Variants in PPP2R3A observed in about 807,000 individuals in gnomAD.
PPP2R3A encodes protein phosphatase 2 regulatory subunit B''alpha, also known as serine/threonine-protein phosphatase 2A regulatory subunit B'' subunit alpha.
A neutral mutation model predicts 106.9 loss-of-function variants in PPP2R3A; 80 were observed. The observed-to-expected ratio is 0.75, with a 90% CI of 0.62 to 0.90. PPP2R3A has a LOEUF of 0.90. Ranked by LOEUF, PPP2R3A falls within the 40% of genes least tolerant of loss-of-function variation. PPP2R3A has a pLI of 0.00. For synonymous variants in PPP2R3A, 483 were observed against 468.3 expected (o/e 1.03, Z -0.41); for missense variants, 1,386 against 1,350.4 (o/e 1.03, Z -0.41).
At chr3:136,100,445 C>T (rs559573191) in intron 10 of PPP2R3A, among the ~76,000 whole-genome samples, 52 of 151,474 alleles carry the variant, frequency 3.4e-4, no homozygotes, top group Admixed American at 9.2e-4. Context: ...GAGGCCTAGG[C>T]GGGCAGATCA....
intron 2 of PPP2R3A, among the ~76,000 whole-genome samples, chr3:136,021,494 TGAAAA>T (rs1159456367): frequency 2.0e-5 from 3 of 152,070 alleles, no homozygotes; most frequent in Non-Finnish European, 4.4e-5. Context: ...CAGAATGTCT[TGAAAA>T]GAAATCAGTG....
At chr3:136,138,794 C>T (rs1041980911) in intron 13 of PPP2R3A, among the ~76,000 whole-genome samples, 4 of 141,556 alleles carry the variant, frequency 2.8e-5, no homozygotes, top group African/African-American at 1.1e-4. Flanking sequence ...TCACAGCAAC[C>T]TCCACCTCCC....
intron 8 of PPP2R3A, among the ~76,000 whole-genome samples, chr3:136,087,137 G>A (rs1936959106): frequency 6.6e-6 from 1 of 152,172 alleles, no homozygotes; most frequent in Non-Finnish European, 1.5e-5. Context: ...CCGGGAGGCG[G>A]AGGTTGCAGT....
intron 7 of PPP2R3A, among the ~76,000 whole-genome samples, chr3:136,080,871 G>GTTAAA (rs1252336813): frequency 6.6e-6 from 1 of 152,076 alleles, no homozygotes; most frequent in Non-Finnish European, 1.5e-5. Context: ...AATAATTTAT[G>GTTAAA]TTGTTGTTAG....
chr3:136,070,449 AAT>A, intron 5 of PPP2R3A, 27 bp from the exon 6 acceptor site: 1 of 1,561,052 alleles, frequency 6.4e-7, no homozygotes, highest in South Asian at 1.2e-5. Context: ...TATGTTTGTT[AAT>A]TTAGTTTTGG....
At chr3:136,083,015 A>G (rs1936828424) in intron 8 of PPP2R3A, among the ~76,000 whole-genome samples, 1 of 152,142 alleles carries the variant, frequency 6.6e-6, no homozygotes, top group African/African-American at 2.4e-5. Flanking sequence ...CTACTGATTT[A>G]ATATCCTTGG....
At position 136,001,190 on chromosome 3, in the gene PPP2R3A, G is replaced by A. The variant is rs1933609301; in HGVS notation, c.-309G>A. 1.4e-5 allele frequency: 6 copies of A among 438,664 alleles called. No individual in the cohort carries two copies. The Admixed American group carries it at 2.0e-4, about 14-fold the overall frequency. 27.2% of individuals were successfully genotyped at this position (438,664 alleles called of 1,614,324 possible). On this transcript the variant is annotated 5_prime_UTR_variant, in exon 2 of 14. Coordinates refer to ENST00000264977, the MANE Select transcript of PPP2R3A (RefSeq NM_002718.5). ...GAGCAAATTTCCATGTTATAGAACTGTTGAAGAACTAAAAGAGGATATTCT... is the reference window on the plus strand; with the variant it reads ...GAGCAAATTTCCATGTTATAGAACTATTGAAGAACTAAAAGAGGATATTCT...
chr3:136,132,038 T>G (rs1938447588), intron 13 of PPP2R3A, among the ~76,000 whole-genome samples: 1 of 151,498 alleles, frequency 6.6e-6, no homozygotes, highest in African/African-American at 2.4e-5. Flanking sequence ...GGGGGAGGGA[T>G]AGCATTGGGA....
At position 136,002,867 on chromosome 3, in the gene PPP2R3A, C is replaced by T; in HGVS notation, c.1369C>T (p.His457Tyr). ...AGCAGAATTTCCAGAACATGCTACT[C>T]ATCTTAAAAAATGCCCCACCCCAAT... is the stretch of plus-strand genomic sequence containing the variant. ...HRAEFPEHATHLKKCPTPMQN... is the reference protein window; with the variant it reads ...HRAEFPEHATYLKKCPTPMQN... Residue 457 changes from histidine to tyrosine, a missense_variant, in exon 2 of 14, where the codon CAT (histidine) becomes TAT (tyrosine). His to Tyr is a moderately conservative substitution (Grantham distance 83). Transcript: ENST00000264977. The T allele has an allele frequency of 1.2e-6, 2 of 1,613,694 alleles. No homozygotes were observed. Among genetic ancestry groups the T allele is most frequent in the Non-Finnish European group, 1.7e-6 (2 of 1,179,884 alleles).
intron 1 of PPP2R3A, among the ~76,000 whole-genome samples, chr3:135,996,215 T>A (rs910986757): frequency 6.6e-6 from 1 of 152,232 alleles, no homozygotes; most frequent in Non-Finnish European, 1.5e-5. Context: ...ATAATTAATG[T>A]GATTCTGGCC....
At chr3:136,102,254 C>A in intron 11 of PPP2R3A, 72 bp downstream of exon 11, 2 of 1,492,140 alleles carry the variant, frequency 1.3e-6, no homozygotes, top group South Asian at 1.3e-5. Flanking sequence ...CCTAGATTGT[C>A]CTAAATTATT....
rs1311575346 is a variant in PPP2R3A, at chr3:136,002,161, T to C, written c.663T>C (p.Asp221=). 2 of 1,613,380 alleles carry C rather than the reference T, an allele frequency of 1.2e-6. No individual in the cohort carries two copies. The highest frequency in any genetic ancestry group is 1.7e-6 in the Non-Finnish European group (2 of 1,179,882). ...AGATTTTGGAAAAACATAAAATAGA[T>C]AATTTTTCTTCTGGGACAGACATAA... ...VTQILEKHKI[D]NFSSGTDIKM... The change falls in exon 2 of 14, where the codon GAT becomes GAC. Residue 221 remains aspartate (D), a synonymous_variant. Coordinates refer to ENST00000264977, the MANE Select transcript of PPP2R3A (RefSeq NM_002718.5).
Position 136,106,254 on chromosome 3 carries a change from C to A in PPP2R3A, c.3261C>A (p.Asp1087Glu). ...ENDGPEPSDW[D>E]RFAAEEYETL... is the part of the protein sequence containing the mutation. ...ATGGGCCTGAGCCCTCAGACTGGGA[C>A]CGGTTTGCCGCTGAGGAGTATGAGA... The change falls in exon 13 of 14, where the codon GAC (aspartate) becomes GAA (glutamate). Residue 1087 changes from aspartate (D) to glutamate (E), a missense_variant. Transcript: ENST00000264977. 6.2e-7 allele frequency: 1 copy of A among 1,611,132 alleles called. No individual in the cohort carries two copies. Among genetic ancestry groups the A allele is most frequent in the Non-Finnish European group, 8.5e-7 (1 of 1,179,358 alleles).
intron 13 of PPP2R3A, among the ~76,000 whole-genome samples, chr3:136,126,122 C>T (rs182451178): frequency 6.6e-6 from 1 of 152,310 alleles, no homozygotes; most frequent in East Asian, 1.9e-4. Context: ...GTACTTGGTT[C>T]ATCTCATTGG....
intron 1 of PPP2R3A, among the ~76,000 whole-genome samples, chr3:135,984,251 T>C (rs560138215): frequency 1.3e-5 from 2 of 152,292 alleles, no homozygotes; most frequent in African/African-American, 4.8e-5. Context: ...AGCCTTAATA[T>C]AGACATAGTA....
At chr3:136,000,994 A>C in intron 1 of PPP2R3A, 65 bp from the exon 2 acceptor site, 1 of 394,642 alleles carries the variant, frequency 2.5e-6, no homozygotes, top group Non-Finnish European at 4.5e-6. Flanking sequence ...TGGGATGCAA[A>C]GAAAGAGGAA....
intron 1 of PPP2R3A, among the ~76,000 whole-genome samples, chr3:135,998,582 A>G (rs776134604): frequency 5.9e-5 from 9 of 152,202 alleles, no homozygotes; most frequent in African/African-American, 9.6e-5. Flanking sequence ...TTGAAAAAGT[A>G]TATGTACACA....
chr3:136,055,981 A>C (rs775817412), intron 5 of PPP2R3A, among the ~76,000 whole-genome samples: 39 of 152,172 alleles, frequency 2.6e-4, no homozygotes, highest in Non-Finnish European at 4.9e-4. Context: ...CAGTCTGATG[A>C]TCAAGGCCAA....
At chr3:136,009,541 C>T (rs1380712472) in intron 2 of PPP2R3A, among the ~76,000 whole-genome samples, 1 of 152,132 alleles carries the variant, frequency 6.6e-6, no homozygotes, top group Non-Finnish European at 1.5e-5. Context: ...CTCTGCCCTT[C>T]TTCGTTCATT....
Sources: gnomAD v4.1 joint callset for allele counts (sites outside exome capture counted in the v4.1 genomes callset) on GRCh38, gnomAD v4.1.1 for gene constraint, MANE v1.5 for transcripts, NCBI Gene and HGNC (gene_info 2026-07-23, HGNC 2026-07-21) for gene names.